HERC1: variants seen among roughly 807,000 people sequenced by gnomAD.
HERC1 encodes the protein probable E3 ubiquitin-protein ligase HERC1.
In HERC1, 160 loss-of-function variants were observed where a neutral mutation model predicts 554.3. The ratio of observed to expected loss-of-function variants is 0.29; its 90% CI spans 0.25 to 0.33. The LOEUF is 0.33. HERC1 is among the 10% of genes least tolerant of loss of function. The pLI, the probability that HERC1 is intolerant of heterozygous loss-of-function variation, is 1.00. For synonymous variants in HERC1, 2,175 were observed against 2,131.7 expected, an observed-to-expected ratio of 1.02 and a Z score of -0.56; for missense variants, 4,919 against 5,918.5, an observed-to-expected ratio of 0.83 and a Z score of 5.54.
Position 63,643,826 on chromosome 15 carries a change from C to T in HERC1, c.11185-276G>A, listed in dbSNP as rs147329416. Among the ~76,000 whole-genome samples the T allele has an allele frequency of 5.2e-3, 798 of 152,228 alleles. 9 individuals are homozygous for T. Among genetic ancestry groups the T allele is most frequent in the African/African-American group, 0.019 (769 of 41,518 alleles). ...ATAACATCTCAAAGTTCTAATTATC[C>T]CTCAGAGACAGGAAAATACTGACTA... is the stretch of plus-strand genomic sequence containing the variant. On this transcript the variant is annotated intron_variant, in intron 57 of 77. Coordinates refer to ENST00000443617, the MANE Select transcript of HERC1 (RefSeq NM_003922.4).
intron 7 of HERC1, among the ~76,000 whole-genome samples, chr15:63,753,931 T>G (rs1213297765): frequency 6.6e-6 from 1 of 152,168 alleles, no homozygotes; most frequent in Admixed American, 6.5e-5. Flanking sequence ...ACAAGCACTT[T>G]GGGAGACTAA....
At position 63,737,083 on chromosome 15, in the gene HERC1, G is replaced by A. The variant is rs150535457; in HGVS notation, c.2521-2234C>T. Among the ~76,000 whole-genome samples the A allele has an allele frequency of 2.3e-3, 347 of 151,464 alleles. 1 individual carries two copies. Among genetic ancestry groups the A allele is most frequent in the African/African-American group, 4.9e-3 (204 of 41,352 alleles). ...TCAAAAAGTGTAAGACAGAACGGGA[G>A]GCTACTAAAAAAGGAACACTTCCAG... On this transcript the variant is annotated intron_variant, in intron 12 of 77. Transcript: ENST00000443617.
chr15:63,750,919 A>G (rs1055988586), intron 8 of HERC1, among the ~76,000 whole-genome samples: 1 of 152,232 alleles, frequency 6.6e-6, no homozygotes, highest in Non-Finnish European at 1.5e-5. Context: ...CCTGAGCAAA[A>G]GAGTGAGACC....
intron 19 of HERC1, among the ~76,000 whole-genome samples, chr15:63,720,859 C>A (rs1596064896): frequency 6.6e-6 from 1 of 152,326 alleles, no homozygotes; most frequent in Admixed American, 6.5e-5. Flanking sequence ...AGGTATTACT[C>A]TCCTATGCCA....
At position 63,622,911 on chromosome 15, in the gene HERC1, AT is replaced by A. The variant is rs780609796; in HGVS notation, c.13612-21del. On this transcript the variant is annotated intron_variant, in intron 73 of 77. Coordinates refer to ENST00000443617, the MANE Select transcript of HERC1 (RefSeq NM_003922.4). The stretch of plus-strand genomic sequence containing the variant: ...AAGTTCCTGCAGAAGAAAGAAAAAA[AT>A]TTTTTGAGAAATGACAATCAAATGC... The A allele has an allele frequency of 1.3e-5, 20 of 1,542,142 alleles. No individual in the cohort carries two copies. The highest frequency in any genetic ancestry group is 4.0e-5 in the Admixed American group (2 of 49,890).
chr15:63,616,071 T>C (rs886934746), intron 75 of HERC1, among the ~76,000 whole-genome samples, 151 bp from the exon 76 acceptor site: 1 of 152,304 alleles, frequency 6.6e-6, no homozygotes, highest in Admixed American at 6.5e-5. Flanking sequence ...TCAGGCTACT[T>C]GATCAGCAGG....
chr15:63,763,004 T>C (rs2075659933), intron 3 of HERC1, among the ~76,000 whole-genome samples: 2 of 152,204 alleles, frequency 1.3e-5, no homozygotes, highest in South Asian at 4.1e-4. Context: ...GCCTGCCCTT[T>C]TGACCTCCAC....
Position 63,643,006 on chromosome 15 carries a change from G to T in HERC1, c.11384C>A (p.Thr3795Lys). 1 of 1,613,018 alleles carries T rather than the reference G, an allele frequency of 6.2e-7. No homozygotes were observed. The highest frequency in any genetic ancestry group is 8.5e-7 in the Non-Finnish European group (1 of 1,179,252). Residue 3795 changes from threonine (T) to lysine (K), a missense_variant, in exon 59 of 78, where the codon ACA (threonine) becomes AAA (lysine). By Grantham distance (78) the Thr-to-Lys change is moderately conservative. This residue lies in a region of HERC1 where 1,963 missense variants were observed against 2,228.6 expected (regional missense o/e 0.88). Coordinates refer to ENST00000443617, the MANE Select transcript of HERC1 (RefSeq NM_003922.4). ...VVIGSGAIQT[T>K]VWIPEVGVAA... is the part of the protein sequence containing the mutation. ...TACTCCAACTTCTGGAATCCATACT[G>T]TGGTCTGAATAGCTCCAGAGCCTAT...
chr15:63,758,124 T>C lies in HERC1; in HGVS notation c.1221+51A>G. On this transcript the variant is annotated intron_variant, in intron 4 of 77. Transcript: ENST00000443617. This position sits in a 1 kb window ranked among gnomAD's most constrained non-coding sequence, Gnocchi z 4.0. ...CAGTATTATTTAATGCAAATAAGCA[T>C]GAATATACACCAGATTATCTACCAG... The C allele has an allele frequency of 7.7e-7, 1 of 1,295,410 alleles. No individual in the cohort carries two copies. The highest frequency in any genetic ancestry group is 1.9e-4 in the Middle Eastern group (1 of 5,210). The allele number at this position is 1,295,410 out of a possible 1,614,324, so 80.2% of individuals were successfully genotyped here.
intron 1 of HERC1, among the ~76,000 whole-genome samples, chr15:63,778,612 T>C (rs2076183336): frequency 6.6e-6 from 1 of 152,168 alleles, no homozygotes; most frequent in Non-Finnish European, 1.5e-5. Context: ...AGAACAACCC[T>C]TTCCTCAAGT....
chr15:63,744,150 GTGTGTGTGTGTGTGTCTC>G (rs1434258907), intron 12 of HERC1, among the ~76,000 whole-genome samples: 29 of 41,570 alleles, frequency 7.0e-4, no homozygotes, highest in Middle Eastern at 0.014. Context: ...GTGTGTGTGT[GTGTGTGTGTGTGTGTCTC>G]TCTCTCTCTC....
At chr15:63,668,647 A>G (rs566971006) in intron 40 of HERC1, among the ~76,000 whole-genome samples, 30 of 152,212 alleles carry the variant, frequency 2.0e-4, no homozygotes, top group Admixed American at 1.4e-3. Flanking sequence ...ACATCAGAGA[A>G]AGCAGATTTC....
intron 22 of HERC1, among the ~76,000 whole-genome samples, chr15:63,714,843 G>A (rs930477599): frequency 6.6e-6 from 1 of 151,966 alleles, no homozygotes; most frequent in Non-Finnish European, 1.5e-5. Flanking sequence ...CACCGCACCT[G>A]GCCCAAAGAC....
At chr15:63,722,434 C>T (rs1045390906) in intron 19 of HERC1, among the ~76,000 whole-genome samples, 3 of 152,280 alleles carry the variant, frequency 2.0e-5, no homozygotes, top group South Asian at 2.1e-4. Context: ...TTACATAGCA[C>T]GGAATATAAC....
Position 63,659,020 on chromosome 15 carries a change from A to T in HERC1, c.9425-302T>A, listed in dbSNP as rs76864518. 0.022 allele frequency among the ~76,000 whole-genome samples: 3,304 copies of T among 152,308 alleles called. 122 individuals are homozygous for T. The highest frequency in any genetic ancestry group is 0.073 in the African/African-American group (3,018 of 41,558). Reference sequence around the variant, plus strand: ...TGCCCATGTATCACATCTACTGATTATAAGTGCTTTGAGAATTTATAAAGG... The same window carrying T: ...TGCCCATGTATCACATCTACTGATTTTAAGTGCTTTGAGAATTTATAAAGG... On this transcript the variant is annotated intron_variant, in intron 47 of 77. Transcript: ENST00000443617.
chr15:63,773,878 T>C (rs2076032690), intron 2 of HERC1, among the ~76,000 whole-genome samples: 1 of 152,166 alleles, frequency 6.6e-6, no homozygotes, highest in Non-Finnish European at 1.5e-5. Flanking sequence ...ATTTTTATTC[T>C]TGGTTTTCAC....
chr15:63,625,988 G>C lies in HERC1; in HGVS notation c.13272C>G (p.Asn4424Lys), dbSNP rs1243825599. ...GCTTACCACGCCAGTCTGTTACCTG[G>C]TTGTTGGGGCTAAGGTTCAGCAGTC... ...SWRLLNLSPN[N>K]QNSTSHYNAG... The change falls in exon 71 of 78, where the codon AAC (asparagine) becomes AAG (lysine). Residue 4424 changes from asparagine (N) to lysine (K), a missense_variant. By Grantham distance (94) the Asn-to-Lys change is moderately conservative. Transcript: ENST00000443617. 3 of 1,607,736 alleles carry C rather than the reference G, an allele frequency of 1.9e-6. No homozygotes were observed. The highest frequency in any genetic ancestry group is 2.5e-6 in the Non-Finnish European group (3 of 1,177,042).
At chr15:63,799,960 T>C (rs1210579629) in intron 1 of HERC1, among the ~76,000 whole-genome samples, 5 of 152,124 alleles carry the variant, frequency 3.3e-5, no homozygotes, top group Admixed American at 1.3e-4. Context: ...TGAGACTCCA[T>C]CTTTACAGAA....
chr15:63,679,320 A>G (rs1437342131), intron 36 of HERC1, among the ~76,000 whole-genome samples: 2 of 152,230 alleles, frequency 1.3e-5, no homozygotes, highest in African/African-American at 4.8e-5. Context: ...GCCTTAAATT[A>G]TAATTCCTTG....
Sources: allele counts gnomAD v4.1 joint callset (sites outside exome capture counted in the v4.1 genomes callset), GRCh38; gene constraint gnomAD v4.1.1; regional missense constraint gnomAD v4.1.1; non-coding constraint Gnocchi (gnomAD v3.1); transcripts MANE v1.5; gene names NCBI Gene and HGNC (gene_info 2026-07-23, HGNC 2026-07-21).